The following GLI2 variants were observed in gnomAD, a reference collection of about 807,000 sequenced individuals.
GLI2 encodes the protein GLI family zinc finger 2.
A neutral mutation model predicts 78.9 loss-of-function variants in GLI2; 22 were observed. The observed-to-expected ratio is 0.28, with a 90% CI of 0.20 to 0.40. The LOEUF (loss-of-function observed/expected upper bound fraction) is 0.40, where lower values mean the gene tolerates loss of function less well. GLI2 is among the 10% of genes least tolerant of loss of function. The pLI is 1.00. For synonymous variants in GLI2, 974 were observed against 963.7 expected (o/e 1.01, Z -0.20); for missense variants, 2,097 against 2,213.2 (o/e 0.95, Z 1.05).
chr2:120,797,572 G>T, intron 2 of GLI2, 104 bp downstream of exon 2: 1 of 1,115,822 alleles, frequency 9.0e-7, no homozygotes, highest in African/African-American at 1.5e-5. Flanking sequence ...GGCATGCTGG[G>T]TTTATGGAGG....
intron 2 of GLI2, among the ~76,000 whole-genome samples, chr2:120,873,133 G>A (rs1573515418): frequency 1.3e-5 from 2 of 152,188 alleles, no homozygotes; most frequent in African/African-American, 4.8e-5. Flanking sequence ...ACCTGAGAAT[G>A]GATACTGTCA....
At chr2:120,736,531 C>T (rs1241244160) in intron 1 of GLI2, among the ~76,000 whole-genome samples, 2 of 151,712 alleles carry the variant, frequency 1.3e-5, no homozygotes, top group East Asian at 4.0e-4. Context: ...GAGCTCGTGG[C>T]CAGAGGTCGA....
At chr2:120,770,570 C>CG in intron 1 of GLI2, among the ~76,000 whole-genome samples, 2 of 152,286 alleles carry the variant, frequency 1.3e-5, no homozygotes, top group East Asian at 3.9e-4. Flanking sequence ...GACAGCCACA[C>CG]GCTGCCTGCT....
At chr2:120,870,544 G>A (rs1490041255) in intron 2 of GLI2, among the ~76,000 whole-genome samples, 1 of 152,198 alleles carries the variant, frequency 6.6e-6, no homozygotes, top group Non-Finnish European at 1.5e-5. Flanking sequence ...TATGGCCTCA[G>A]CGGAGGTGTG....
intron 2 of GLI2, among the ~76,000 whole-genome samples, chr2:120,908,224 A>G (rs534433681): frequency 3.1e-4 from 47 of 152,240 alleles, no homozygotes; most frequent in Middle Eastern, 3.4e-3. Flanking sequence ...TGGTCTGTGC[A>G]CTCAGCCGTG....
intron 2 of GLI2, among the ~76,000 whole-genome samples, chr2:120,849,834 C>G (rs921176208): frequency 4.6e-5 from 7 of 152,176 alleles, no homozygotes; most frequent in Non-Finnish European, 1.0e-4. Context: ...TGACCTCCCA[C>G]CCATTGGTAT....
intron 1 of GLI2, among the ~76,000 whole-genome samples, chr2:120,755,245 A>C (rs1319809253): frequency 6.6e-6 from 1 of 152,204 alleles, no homozygotes; most frequent in Non-Finnish European, 1.5e-5. Flanking sequence ...CATTCCTACC[A>C]CATCCTAGGT....
intron 2 of GLI2, among the ~76,000 whole-genome samples, chr2:120,887,999 G>T (rs1402723935): frequency 6.6e-6 from 1 of 152,266 alleles, no homozygotes; most frequent in Non-Finnish European, 1.5e-5. Context: ...ACAGGCTCTT[G>T]TTTGTTTTCC....
chr2:120,771,813 G>A (rs1200843334), intron 1 of GLI2, among the ~76,000 whole-genome samples: 1 of 152,218 alleles, frequency 6.6e-6, no homozygotes, highest in Non-Finnish European at 1.5e-5. Context: ...AAAGTTAGAA[G>A]GGGAGTGGAA....
In GLI2 at chr2:120,735,998, G is replaced by A. The variant is rs1682336374; in HGVS notation, c.-318G>A. On this transcript the variant is annotated 5_prime_UTR_variant, in exon 1 of 14. Transcript: ENST00000361492. ...GGCGGCGGCTGCGACTGCGAACGCG[G>A]AGGAAGGCCAGGAGCCGCAGGAGGA... Among the ~76,000 whole-genome samples, 1 of 151,930 alleles carries A rather than the reference G, an allele frequency of 6.6e-6. No homozygotes were observed. The highest frequency in any genetic ancestry group is 1.9e-4 in the East Asian group (1 of 5,140).
intron 1 of GLI2, among the ~76,000 whole-genome samples, chr2:120,764,049 C>T (rs1324920978): frequency 2.0e-5 from 3 of 152,212 alleles, no homozygotes; most frequent in Non-Finnish European, 4.4e-5. Context: ...TGATGTGGGC[C>T]CTCCATGTCC....
At chr2:120,859,904 C>T (rs1254794731) in intron 2 of GLI2, among the ~76,000 whole-genome samples, 1 of 152,038 alleles carries the variant, frequency 6.6e-6, no homozygotes, top group Non-Finnish European at 1.5e-5. Context: ...CTGCCCACCT[C>T]AGCCTCCCAA....
At position 120,935,859 on chromosome 2, in the gene GLI2, G is replaced by A. The variant is rs143087388; in HGVS notation, c.254+8393G>A. Among the ~76,000 whole-genome samples, 934 of 152,292 alleles carry A rather than the reference G, an allele frequency of 6.1e-3. 5 individuals are homozygous for A. The highest frequency in any genetic ancestry group is 9.4e-3 in the Non-Finnish European group (637 of 68,024). ...TAACGAGGAGCGTGTGTGATAAGAC[G>A]GGCTGGTCTTTGATCTTTACTGAAC... On this transcript the variant is annotated intron_variant, in intron 3 of 13. Transcript: ENST00000361492.
chr2:120,878,143 G>T (rs1271523804), intron 2 of GLI2, among the ~76,000 whole-genome samples: 2 of 152,134 alleles, frequency 1.3e-5, no homozygotes, highest in Non-Finnish European at 2.9e-5. Flanking sequence ...TAGACCTGGG[G>T]GAATATTCTG....
intron 4 of GLI2, among the ~76,000 whole-genome samples, chr2:120,953,945 G>A (rs1379162509): frequency 5.9e-5 from 9 of 152,172 alleles, no homozygotes. Flanking sequence ...CTATGCATGA[G>A]TTCAAGATAA....
At chr2:120,847,074 G>T (rs1274641071) in intron 2 of GLI2, among the ~76,000 whole-genome samples, 2 of 151,992 alleles carry the variant, frequency 1.3e-5, no homozygotes, top group Non-Finnish European at 2.9e-5. Context: ...CTTCTCGGGG[G>T]CTCTGCGTCT....
At position 120,772,253 on chromosome 2, in the gene GLI2, G is replaced by A. The variant is rs1573362876; in HGVS notation, c.-30-25038G>A. On this transcript the variant is annotated intron_variant, in intron 1 of 13. Coordinates refer to ENST00000361492, the MANE Select transcript of GLI2 (RefSeq NM_001374353.1). ...TCCTGTGTGAACCTCAAGACTGGAT[G>A]CCATTCAAATTCTTGGGTAACCCGC... Among the ~76,000 whole-genome samples, 8 of 152,294 alleles carry A rather than the reference G, an allele frequency of 5.3e-5. No homozygotes were observed. The South Asian group carries it at 1.7e-3, about 32-fold the overall frequency.
At chr2:120,758,770 C>T (rs1319188292) in intron 1 of GLI2, among the ~76,000 whole-genome samples, 1 of 152,196 alleles carries the variant, frequency 6.6e-6, no homozygotes, top group Non-Finnish European at 1.5e-5. Context: ...GCCCACCATC[C>T]AAAGGTCAGG....
chr2:120,843,338 G>A (rs962382475), intron 2 of GLI2, among the ~76,000 whole-genome samples: 8 of 152,138 alleles, frequency 5.3e-5, no homozygotes, highest in African/African-American at 1.2e-4. Flanking sequence ...TTCCAGCCCC[G>A]AGGTAGTGCT....
Sources: gnomAD v4.1 joint callset for allele counts (sites outside exome capture counted in the v4.1 genomes callset) on GRCh38, gnomAD v4.1.1 for gene constraint, MANE v1.5 for transcripts, NCBI Gene and HGNC (gene_info 2026-07-23, HGNC 2026-07-21) for gene names.